Variants in MGMT observed in about 807,000 individuals in gnomAD.
MGMT encodes methylated-DNA--protein-cysteine methyltransferase.
Under a neutral mutation model 15.9 loss-of-function variants are expected in MGMT, and 14 were observed. The ratio of observed to expected loss-of-function variants is 0.88; its 90% CI spans 0.58 to 1.37. The LOEUF is 1.37. MGMT is among the 40% of genes most tolerant of loss of function. The pLI is 0.00. For synonymous variants in MGMT, 130 were observed against 118.2 expected (o/e 1.10, Z -0.65); for missense variants, 282 against 268.1 (o/e 1.05, Z -0.36).
intron 2 of MGMT, among the ~76,000 whole-genome samples, chr10:129,623,537 A>T (rs1589899329): frequency 6.6e-6 from 1 of 152,094 alleles, no homozygotes; most frequent in South Asian, 2.1e-4. Context: ...GTATATATAT[A>T]TGTATGTATA....
chr10:129,487,912 GGTGTGTGTGT>G (rs145304551), intron 1 of MGMT, among the ~76,000 whole-genome samples: 12 of 137,606 alleles, frequency 8.7e-5, no homozygotes, highest in African/African-American at 1.1e-4. Context: ...ACCATATAGG[GGTGTGTGTGT>G]GTGTGTGTGT....
intron 1 of MGMT, among the ~76,000 whole-genome samples, chr10:129,483,149 A>G (rs1406692172): frequency 1.3e-5 from 2 of 152,222 alleles, no homozygotes; most frequent in Non-Finnish European, 2.9e-5. Flanking sequence ...TTCATGTGAT[A>G]TAATACAACT....
Position 129,574,359 on chromosome 10 carries a change from C to T in MGMT, c.125+37982C>T, listed in dbSNP as rs576895725. Reference sequence around the variant, plus strand: ...CCGTAGCAGGTTGTTCTTTACCTTTCGTTTTTAAGGTGGCTTCCAGTTCAT... The same window carrying T: ...CCGTAGCAGGTTGTTCTTTACCTTTTGTTTTTAAGGTGGCTTCCAGTTCAT... On this transcript the variant is annotated intron_variant, in intron 2 of 4. Transcript: ENST00000651593. Among the ~76,000 whole-genome samples, 8 of 152,322 alleles carry T rather than the reference C, an allele frequency of 5.3e-5. No homozygotes were observed. The East Asian group carries it at 1.5e-3, about 29-fold the overall frequency.
At chr10:129,590,553 C>A (rs1478266886) in intron 2 of MGMT, among the ~76,000 whole-genome samples, 2 of 152,028 alleles carry the variant, frequency 1.3e-5, no homozygotes, top group Non-Finnish European at 2.9e-5. Context: ...AATTGCTGGT[C>A]GAGGCAAGAA....
intron 4 of MGMT, 74 bp downstream of exon 4, chr10:129,759,415 G>T: frequency 2.5e-6 from 4 of 1,598,930 alleles, no homozygotes; most frequent in South Asian, 1.1e-5. Flanking sequence ...CTGATCCCAC[G>T]TGTTTCCTCG....
At chr10:129,492,825 G>T (rs1403663417) in intron 1 of MGMT, among the ~76,000 whole-genome samples, 1 of 152,164 alleles carries the variant, frequency 6.6e-6, no homozygotes, top group Admixed American at 6.5e-5. Context: ...GGAACATTGG[G>T]CTGCCTCCAT....
At chr10:129,750,656 C>T (rs1848742048) in intron 3 of MGMT, among the ~76,000 whole-genome samples, 2 of 152,018 alleles carry the variant, frequency 1.3e-5, no homozygotes, top group Non-Finnish European at 2.9e-5. Context: ...GGAGGATGTG[C>T]AAGGGTTATA....
In MGMT at chr10:129,735,148, C is replaced by T. The variant is rs1848545496; in HGVS notation, c.275-24054C>T. On this transcript the variant is annotated intron_variant, in intron 3 of 4. Transcript: ENST00000651593. ...TTCAGAAGCAATGGTACCAGTTCCT[C>T]CTTGTACCTCTGGTAGAATTCGGCT... Among the ~76,000 whole-genome samples, 6 of 152,314 alleles carry T rather than the reference C, an allele frequency of 3.9e-5. No individual in the cohort carries two copies. The South Asian group carries it at 1.2e-3, about 32-fold the overall frequency.
intron 2 of MGMT, among the ~76,000 whole-genome samples, chr10:129,614,501 G>T (rs975849681): frequency 1.7e-5 from 2 of 117,522 alleles, no homozygotes; most frequent in Non-Finnish European, 3.6e-5. Flanking sequence ...GCCCTGACAC[G>T]TGCTCGGCGG....
At chr10:129,680,543 GC>G (rs1319760845) in intron 2 of MGMT, among the ~76,000 whole-genome samples, 2 of 138,790 alleles carry the variant, frequency 1.4e-5, no homozygotes, top group African/African-American at 2.5e-5. Context: ...TGAAACACTG[GC>G]CCCCGTCTTA....
At chr10:129,545,213 CTGCCACTCTG>C in intron 2 of MGMT, among the ~76,000 whole-genome samples, 4 of 152,210 alleles carry the variant, frequency 2.6e-5, no homozygotes, top group Admixed American at 1.3e-4. Flanking sequence ...GCAGTAGAGA[CTGCCACTCTG>C]GGAGTGACTT....
Position 129,566,319 on chromosome 10 carries a change from G to A in MGMT, c.125+29942G>A, listed in dbSNP as rs552619609. 6.6e-5 allele frequency among the ~76,000 whole-genome samples: 10 copies of A among 152,156 alleles called. No individual in the cohort carries two copies. The highest frequency in any genetic ancestry group is 1.0e-4 in the Non-Finnish European group (7 of 68,034). On this transcript the variant is annotated intron_variant, in intron 2 of 4. Transcript: ENST00000651593. The surrounding 1 kb of genome is among the most constrained non-coding windows in gnomAD (Gnocchi z 4.1). The stretch of plus-strand genomic sequence containing the variant: ...AGGCAGAGCTCTGACTGTTTCATTC[G>A]ACTACGTTGCCAAGGAGATGCTCGC...
intron 2 of MGMT, among the ~76,000 whole-genome samples, chr10:129,609,726 A>G (rs1846937280): frequency 6.6e-6 from 1 of 152,190 alleles, no homozygotes; most frequent in African/African-American, 2.4e-5. Context: ...GGGAGGCTGG[A>G]AGCGCTTCCC....
chr10:129,769,675 T>G lies in MGMT; in HGVS notation c.*2678T>G, dbSNP rs527655093. Reference sequence around the variant, plus strand: ...AGTTGCCTTTGGCCACGCAGGAGACTGAGTTTTGTGAGGGGTTGTCCTTCT... The same window carrying G: ...AGTTGCCTTTGGCCACGCAGGAGACGGAGTTTTGTGAGGGGTTGTCCTTCT... On this transcript the variant is annotated 3_prime_UTR_variant, in exon 5 of 5. Transcript: ENST00000651593. Among the ~76,000 whole-genome samples the G allele has an allele frequency of 3.3e-5, 5 of 152,152 alleles. No individual in the cohort carries two copies. The highest frequency in any genetic ancestry group is 1.2e-4 in the African/African-American group (5 of 41,430).
chr10:129,767,278 G>A lies in MGMT; in HGVS notation c.*281G>A. The stretch of plus-strand genomic sequence containing the variant: ...TGGCTCATGTTGGGCCACAGCCCAG[G>A]ATGGGGCAGTCTGGCACCCTCAGGC... On this transcript the variant is annotated 3_prime_UTR_variant, in exon 5 of 5. Transcript: ENST00000651593. 6.7e-6 allele frequency: 2 copies of A among 297,536 alleles called. No homozygotes were observed. Among genetic ancestry groups the A allele is most frequent in the Non-Finnish European group, 1.2e-5 (2 of 160,662 alleles). 18.4% of individuals were successfully genotyped at this position (297,536 alleles called of 1,614,324 possible). A position where few individuals can be genotyped will look rare whatever the true frequency, so the allele number is the denominator to read the frequency against.
chr10:129,584,424 T>C (rs1327263129), intron 2 of MGMT, among the ~76,000 whole-genome samples: 1 of 139,478 alleles, frequency 7.2e-6, no homozygotes, highest in Non-Finnish European at 1.6e-5. Context: ...TTCTTTTTTG[T>C]ATAAGGCTTA....
intron 2 of MGMT, among the ~76,000 whole-genome samples, chr10:129,548,799 G>A (rs1846124870): frequency 6.6e-6 from 1 of 152,152 alleles, no homozygotes; most frequent in African/African-American, 2.4e-5. Flanking sequence ...AGGACCATCA[G>A]GGCAAAGAGA....
chr10:129,690,585 C>T (rs965600933), intron 2 of MGMT, among the ~76,000 whole-genome samples: 6 of 152,166 alleles, frequency 3.9e-5, no homozygotes, highest in Admixed American at 1.3e-4. Context: ...CTGGGCTGCA[C>T]GCATGCTGGT....
intron 2 of MGMT, among the ~76,000 whole-genome samples, chr10:129,590,617 A>T (rs1388111757): frequency 1.3e-5 from 2 of 152,228 alleles, no homozygotes; most frequent in Admixed American, 1.3e-4. Flanking sequence ...TAAACTTTGA[A>T]AAGTATGTCA....
Sources: gnomAD v4.1 joint callset for allele counts (sites outside exome capture counted in the v4.1 genomes callset) on GRCh38, gnomAD v4.1.1 for gene constraint, Gnocchi (gnomAD v3.1) non-coding constraint, MANE v1.5 for transcripts, NCBI Gene and HGNC (gene_info 2026-07-23, HGNC 2026-07-21) for gene names.